Variants in SLC1A2 observed in about 807,000 individuals in gnomAD.
SLC1A2 encodes the protein excitatory amino acid transporter 2.
SLC1A2 carries 15 observed loss-of-function variants against 48.8 expected under a neutral mutation model. The observed-to-expected ratio is 0.31, with a 90% CI of 0.21 to 0.47. The LOEUF is 0.47. Ranked by LOEUF, SLC1A2 falls within the 20% of genes least tolerant of loss-of-function variation. The probability of loss-of-function intolerance (pLI) is 0.99; values close to 1 mark genes in which losing one functional copy is unlikely to be tolerated. For synonymous variants in SLC1A2, 279 were observed against 272.6 expected (o/e 1.02, Z -0.23); for missense variants, 502 against 730.5 (o/e 0.69, Z 3.61).
At chr11:35,398,419 C>G (rs1855038085) in intron 1 of SLC1A2, among the ~76,000 whole-genome samples, 1 of 152,090 alleles carries the variant, frequency 6.6e-6, no homozygotes, top group Non-Finnish European at 1.5e-5. Context: ...AACTGAAAAC[C>G]AAACACCACA....
intron 1 of SLC1A2, chr11:35,352,353 G>A (rs1174115003): frequency 2.6e-5 from 4 of 152,280 alleles, no homozygotes; most frequent in African/African-American, 2.4e-5. Flanking sequence ...ACACATCCAC[G>A]GTCCCTTATC....
chr11:35,386,352 A>G (rs964681513), intron 1 of SLC1A2, among the ~76,000 whole-genome samples: 1 of 152,114 alleles, frequency 6.6e-6, no homozygotes, highest in African/African-American at 2.4e-5. Context: ...GCCAGAAAAA[A>G]AAAGATGTCA....
chr11:35,356,751 T>G (rs1853484833), intron 1 of SLC1A2, among the ~76,000 whole-genome samples: 1 of 152,068 alleles, frequency 6.6e-6, no homozygotes, highest in Non-Finnish European at 1.5e-5. Flanking sequence ...TTAAGAAAAA[T>G]GGGGAAAATG....
chr11:35,268,662 C>CAAA (rs56207184), intron 9 of SLC1A2, among the ~76,000 whole-genome samples: 1 of 94,546 alleles, frequency 1.1e-5, no homozygotes, highest in Non-Finnish European at 2.2e-5. Flanking sequence ...GACTCTGCCT[C>CAAA]AAAAAAAAAA....
chr11:35,353,029 G>GCTTC (rs980704220), intron 1 of SLC1A2, among the ~76,000 whole-genome samples: 1 of 152,110 alleles, frequency 6.6e-6, no homozygotes, highest in African/African-American at 2.4e-5. Flanking sequence ...TTATGTCCTT[G>GCTTC]CTTCTAAGAT....
At chr11:35,293,728 A>G (rs1851081117) in intron 6 of SLC1A2, among the ~76,000 whole-genome samples, 1 of 152,186 alleles carries the variant, frequency 6.6e-6, no homozygotes, top group Non-Finnish European at 1.5e-5. Context: ...TCAGGAAAGG[A>G]TGCTGTAATT....
chr11:35,362,787 T>G (rs1165073826), intron 1 of SLC1A2, among the ~76,000 whole-genome samples: 1 of 152,194 alleles, frequency 6.6e-6, no homozygotes, highest in Non-Finnish European at 1.5e-5. Flanking sequence ...CACAGCAAAC[T>G]GGATTTTCAG....
chr11:35,282,097 T>C (rs1314769409), intron 8 of SLC1A2, among the ~76,000 whole-genome samples: 3 of 152,086 alleles, frequency 2.0e-5, no homozygotes, highest in Non-Finnish European at 4.4e-5. Context: ...GGAGAGCCTG[T>C]GGTTTGAGCT....
At chr11:35,306,951 G>A (rs1341225320) in intron 4 of SLC1A2, 8 of 152,206 alleles carry the variant, frequency 5.3e-5, no homozygotes, top group African/African-American at 1.4e-4. Flanking sequence ...AAACTTGGGG[G>A]ATAAATGTCT....
At position 35,419,106 on chromosome 11, in the gene SLC1A2, G is replaced by C. The variant is rs1034194658; in HGVS notation, c.-140C>G. The C allele has an allele frequency of 3.0e-6, 2 of 664,856 alleles. No homozygotes were observed. The highest frequency in any genetic ancestry group is 4.9e-6 in the Non-Finnish European group (2 of 407,348). 41.2% of individuals were successfully genotyped at this position (664,856 alleles called of 1,614,324 possible). On this transcript the variant is annotated 5_prime_UTR_variant, in exon 1 of 11. Coordinates refer to ENST00000278379, the MANE Select transcript of SLC1A2 (RefSeq NM_004171.4). The surrounding 1 kb of genome is among the most constrained non-coding windows in gnomAD (Gnocchi z 5.4). ...CTGCCCGCCCTTCCACCCGCCTCCG[G>C]GGTAAGCCCTTTAGCGCCTCAACGG...
At chr11:35,372,904 T>A (rs1248833031) in intron 1 of SLC1A2, among the ~76,000 whole-genome samples, 1 of 152,352 alleles carries the variant, frequency 6.6e-6, no homozygotes, top group Non-Finnish European at 1.5e-5. Context: ...TTTTTAAGGA[T>A]CTTCATTTTA....
intron 1 of SLC1A2, among the ~76,000 whole-genome samples, chr11:35,353,899 A>G (rs574463590): frequency 8.5e-5 from 13 of 152,348 alleles, no homozygotes; most frequent in African/African-American, 2.9e-4. Context: ...GAGTATGATC[A>G]TAGGACTTAG....
chr11:35,385,276 G>A (rs1224125609), intron 1 of SLC1A2, among the ~76,000 whole-genome samples: 3 of 152,198 alleles, frequency 2.0e-5, no homozygotes, highest in Non-Finnish European at 4.4e-5. Context: ...ATAGAAGAGA[G>A]GTAACAGCTG....
At chr11:35,318,152 A>C (rs1310967608) in intron 1 of SLC1A2, among the ~76,000 whole-genome samples, 1 of 152,264 alleles carries the variant, frequency 6.6e-6, no homozygotes, top group Non-Finnish European at 1.5e-5. Context: ...AATACCACTT[A>C]GAGTCCAAGA....
In SLC1A2 at chr11:35,419,429, T is replaced by G. The variant is rs4354668; in HGVS notation, c.-463A>C. ...GCGCGTGTGCGGGTGTGTGCGCGCCTGGGGAGGCGGTGGAGGCCGCTGCGC... is the reference window on the plus strand; with the variant it reads ...GCGCGTGTGCGGGTGTGTGCGCGCCGGGGGAGGCGGTGGAGGCCGCTGCGC... On this transcript the variant is annotated 5_prime_UTR_variant, in exon 1 of 11. Transcript: ENST00000278379. The surrounding 1 kb of genome is among the most constrained non-coding windows in gnomAD (Gnocchi z 5.4). 0.53 allele frequency: 95,520 copies of G among 181,614 alleles called. 27,522 individuals are homozygous for G. Among genetic ancestry groups the G allele is most frequent in the African/African-American group, 0.77 (32,856 of 42,514 alleles). 11.3% of individuals were successfully genotyped at this position (181,614 alleles called of 1,614,324 possible). A position where few individuals can be genotyped will look rare whatever the true frequency, so the allele number is the denominator to read the frequency against.
intron 1 of SLC1A2, among the ~76,000 whole-genome samples, chr11:35,339,343 C>A (rs977585907): frequency 2.6e-5 from 4 of 152,278 alleles, no homozygotes; most frequent in Middle Eastern, 3.4e-3. Context: ...GAAGAGATTT[C>A]ATAAAATCAA....
At chr11:35,361,429 A>G (rs1346618163) in intron 1 of SLC1A2, among the ~76,000 whole-genome samples, 1 of 152,222 alleles carries the variant, frequency 6.6e-6, no homozygotes, top group Admixed American at 6.5e-5. Flanking sequence ...CTGAAGCAAT[A>G]GTCTTCTATA....
chr11:35,350,363 T>G (rs1345405251), intron 1 of SLC1A2, among the ~76,000 whole-genome samples: 4 of 152,212 alleles, frequency 2.6e-5, no homozygotes, highest in Non-Finnish European at 5.9e-5. Flanking sequence ...TATTGAGCAT[T>G]TATATTAAGT....
At chr11:35,282,229 C>T (rs981035451) in intron 8 of SLC1A2, among the ~76,000 whole-genome samples, 1 of 152,122 alleles carries the variant, frequency 6.6e-6, no homozygotes, top group Non-Finnish European at 1.5e-5. Context: ...GGTGTCAAGG[C>T]TCAGAGCACT....
Sources: gnomAD v4.1 joint callset for allele counts (sites outside exome capture counted in the v4.1 genomes callset) on GRCh38, gnomAD v4.1.1 for gene constraint, Gnocchi (gnomAD v3.1) non-coding constraint, MANE v1.5 for transcripts, NCBI Gene and HGNC (gene_info 2026-07-23, HGNC 2026-07-21) for gene names.